The following KIAA1671 variants were observed in gnomAD, a reference collection of about 807,000 sequenced individuals.
The protein encoded by KIAA1671 is KIAA1671.
A neutral mutation model predicts 131.2 loss-of-function variants in KIAA1671; 52 were observed. That is an observed-to-expected ratio of 0.40 (90% confidence interval 0.32 to 0.50). The LOEUF is 0.50. Ranked by LOEUF, KIAA1671 falls within the 20% of genes least tolerant of loss-of-function variation. The probability of loss-of-function intolerance (pLI) is 0.73; values close to 1 mark genes in which losing one functional copy is unlikely to be tolerated. For missense variants in KIAA1671, 2,360 were observed against 2,364.2 expected (o/e 1.00, Z 0.04); for synonymous variants, 1,003 against 961.6 (o/e 1.04, Z -0.80).
intron 6 of KIAA1671, among the ~76,000 whole-genome samples, chr22:25,068,047 G>C (rs1451796533): frequency 6.6e-6 from 1 of 152,266 alleles, no homozygotes. Context: ...TCGGTCAGCA[G>C]GACCCAGTGC....
At chr22:25,183,696 G>A (rs1306208679) in intron 10 of KIAA1671, among the ~76,000 whole-genome samples, 1 of 151,806 alleles carries the variant, frequency 6.6e-6, no homozygotes, top group Non-Finnish European at 1.5e-5. Context: ...CTAATTTTTT[G>A]TATTTTTAGT....
At position 25,039,339 on chromosome 22, in the gene KIAA1671, C is replaced by G; in HGVS notation, c.2209C>G (p.His737Asp). 2 of 1,551,988 alleles carry G rather than the reference C, an allele frequency of 1.3e-6. No individual in the cohort carries two copies. The highest frequency in any genetic ancestry group is 4.9e-5 in the East Asian group (2 of 40,920). ...AATTGAGCCCAGATATGACATTGTG[C>G]ATGCAGTGGGAGAGCGTGTGCACAG... ...QRIEPRYDIV[H>D]AVGERVHSEA... The change falls in exon 5 of 13, where the codon CAT becomes GAT. Residue 737 changes from histidine to aspartate, a missense_variant. His to Asp is a moderately conservative substitution (Grantham distance 81, BLOSUM62 -1). Transcript: ENST00000358431.
intron 6 of KIAA1671, among the ~76,000 whole-genome samples, chr22:25,107,273 C>T (rs1019538153): frequency 1.1e-4 from 16 of 151,826 alleles, no homozygotes; most frequent in Admixed American, 1.3e-4. Flanking sequence ...AAAAATTAGC[C>T]GGGCGTGGTG....
chr22:25,001,787 A>G (rs910498795), intron 1 of KIAA1671, among the ~76,000 whole-genome samples: 3 of 152,178 alleles, frequency 2.0e-5, no homozygotes, highest in African/African-American at 7.2e-5. Flanking sequence ...GTTGGTTTTC[A>G]GATGATACCT....
intron 6 of KIAA1671, chr22:25,052,196 C>T (rs1463059781): frequency 1.3e-5 from 2 of 152,420 alleles, no homozygotes; most frequent in African/African-American, 4.8e-5. Context: ...AACAAGACAC[C>T]CTGAGCCCTG....
At position 25,040,978 on chromosome 22, in the gene KIAA1671, C is replaced by T; in HGVS notation, c.3848C>T (p.Thr1283Ile). 1.4e-6 allele frequency: 2 copies of T among 1,475,922 alleles called. No homozygotes were observed. Among genetic ancestry groups the T allele is most frequent in the Non-Finnish European group, 1.8e-6 (2 of 1,113,008 alleles). 91.4% of individuals were successfully genotyped at this position (1,475,922 alleles called of 1,614,324 possible). A position where few individuals can be genotyped will look rare whatever the true frequency, so the allele number is the denominator to read the frequency against. Residue 1283 changes from threonine (T) to isoleucine (I), a missense_variant, in exon 5 of 13, where the codon ACC (threonine) becomes ATC (isoleucine). Transcript: ENST00000358431. ...TPGLGKQLAE[T>I]LETAMGTKSS... ...GGCTTAGGCAAGCAGCTGGCAGAGA[C>T]CTTGGAGACAGCCATGGGCACCAAA...
chr22:24,990,326 G>C (rs1169296192), intron 1 of KIAA1671, among the ~76,000 whole-genome samples: 1 of 152,124 alleles, frequency 6.6e-6, no homozygotes, highest in African/African-American at 2.4e-5. Flanking sequence ...CATGACCTCA[G>C]GTAATCCGCC....
intron 6 of KIAA1671, among the ~76,000 whole-genome samples, chr22:25,111,646 G>A (rs946622495): frequency 6.6e-6 from 1 of 152,180 alleles, no homozygotes; most frequent in Non-Finnish European, 1.5e-5. Flanking sequence ...GAGGGCAGCC[G>A]GGCAGGGGGC....
chr22:24,985,779 GGAGAGAGA>G (rs147630044), intron 1 of KIAA1671, among the ~76,000 whole-genome samples: 1 of 150,252 alleles, frequency 6.7e-6, no homozygotes, highest in African/African-American at 2.4e-5. Context: ...TATGGTGAGG[GGAGAGAGA>G]GAGAGAGAGA....
At chr22:25,042,820 GAGA>G (rs1180527500) in intron 5 of KIAA1671, among the ~76,000 whole-genome samples, 13 of 152,118 alleles carry the variant, frequency 8.5e-5, no homozygotes, top group African/African-American at 2.2e-4. Context: ...CAGTAGGGGA[GAGA>G]AGAAGTGAGG....
chr22:25,135,504 T>C lies in KIAA1671; in HGVS notation c.4531-35316T>C, dbSNP rs11914169. ...CCCAGCTGATTTTGGGATTTTTGTG[T>C]GTTTCTTTGTGTAGTATTGGCTGTT... On this transcript the variant is annotated intron_variant, in intron 6 of 12. Coordinates refer to ENST00000358431, the MANE Select transcript of KIAA1671 (RefSeq NM_001145206.2). Among the ~76,000 whole-genome samples, 501 of 152,298 alleles carry C rather than the reference T, an allele frequency of 3.3e-3. 2 individuals are homozygous for C. The highest frequency in any genetic ancestry group is 0.011 in the African/African-American group (470 of 41,560).
chr22:25,133,254 AT>A (rs1255116539), intron 6 of KIAA1671, among the ~76,000 whole-genome samples: 3 of 152,144 alleles, frequency 2.0e-5, no homozygotes, highest in African/African-American at 7.2e-5. Flanking sequence ...CACTGACTTG[AT>A]TGGGGAAATC....
chr22:25,037,212 A>G (rs1329376016), intron 4 of KIAA1671, among the ~76,000 whole-genome samples: 2 of 151,810 alleles, frequency 1.3e-5, no homozygotes, highest in East Asian at 3.9e-4. Flanking sequence ...ACTTTCAGCT[A>G]CTCGGGAGGC....
In KIAA1671 at chr22:25,040,905, C is replaced by G; in HGVS notation, c.3775C>G (p.Leu1259Val). 1 of 1,508,624 alleles carries G rather than the reference C, an allele frequency of 6.6e-7. No homozygotes were observed. Among genetic ancestry groups the G allele is most frequent in the South Asian group, 1.3e-5 (1 of 77,002 alleles). The allele number at this position is 1,508,624 out of a possible 1,614,324, so 93.5% of individuals were successfully genotyped here. ...GAAGGAGATGCCCGATACCGGGGGT[C>G]TCTGGAAACCGGCCAGTTCTGCCGA... is the stretch of plus-strand genomic sequence containing the variant. ...SLKEMPDTGG[L>V]WKPASSAEIN... The change falls in exon 5 of 13, where the codon CTC (leucine) becomes GTC (valine). Residue 1259 changes from leucine to valine, a missense_variant. Leu to Val is a conservative substitution (Grantham distance 32). Around this residue, in one of 3 missense-constraint regions of KIAA1671, gnomAD observed 1,161 missense variants for 1,204.7 expected, o/e 0.96. Coordinates refer to ENST00000358431, the MANE Select transcript of KIAA1671 (RefSeq NM_001145206.2).
rs1045253409 is a variant in KIAA1671 at position 25,120,312 on chromosome 22, A to G, written c.4531-50508A>G. 3.9e-5 allele frequency among the ~76,000 whole-genome samples: 6 copies of G among 152,352 alleles called. 1 individual carries two copies. Among genetic ancestry groups the G allele is most frequent in the Admixed American group, 2.0e-4 (3 of 15,310 alleles). ...ATGATGTCACTTCATTCTCTGCTAC[A>G]GTGTCGCCAGGCAGGCAGGACAGGC... On this transcript the variant is annotated intron_variant, in intron 6 of 12. Transcript: ENST00000358431.
intron 4 of KIAA1671, among the ~76,000 whole-genome samples, chr22:25,034,001 A>C (rs988635933): frequency 2.0e-5 from 3 of 151,830 alleles, no homozygotes; most frequent in African/African-American, 4.8e-5. Flanking sequence ...TCACAGTCAG[A>C]ATAGCGAACA....
At chr22:25,111,389 G>A (rs977670212) in intron 6 of KIAA1671, among the ~76,000 whole-genome samples, 1 of 152,220 alleles carries the variant, frequency 6.6e-6, no homozygotes, top group Non-Finnish European at 1.5e-5. Context: ...AAAAATGGGG[G>A]CGGACGTCAG....
At chr22:25,044,581 C>T (rs1467179929) in intron 5 of KIAA1671, among the ~76,000 whole-genome samples, 1 of 152,020 alleles carries the variant, frequency 6.6e-6, no homozygotes, top group South Asian at 2.1e-4. Flanking sequence ...AGCCTTGGAC[C>T]AGCTTCCCGT....
At chr22:25,019,752 C>G (rs1242276754) in intron 1 of KIAA1671, among the ~76,000 whole-genome samples, 2 of 151,918 alleles carry the variant, frequency 1.3e-5, no homozygotes, top group South Asian at 2.1e-4. Flanking sequence ...CCTGTGCATA[C>G]CCCCTTACCT....
Sources: gnomAD v4.1 joint callset for allele counts (sites outside exome capture counted in the v4.1 genomes callset) on GRCh38, gnomAD v4.1.1 for gene constraint, gnomAD v4.1.1 regional missense constraint, MANE v1.5 for transcripts, NCBI Gene and HGNC (gene_info 2026-07-23, HGNC 2026-07-21) for gene names.